Variants in OPRM1 observed in about 807,000 individuals in gnomAD.
The protein encoded by OPRM1 is opioid receptor mu 1, also known as mu-type opioid receptor.
OPRM1 carries 27 observed loss-of-function variants against 31.8 expected under a neutral mutation model. The ratio of observed to expected loss-of-function variants is 0.85; its 90% CI spans 0.63 to 1.17. The LOEUF (loss-of-function observed/expected upper bound fraction) is 1.17. Among genes scored for constraint, OPRM1 ranks in the 50% most tolerant of loss-of-function variants. The probability of loss-of-function intolerance (pLI) is 0.00; values close to 1 mark genes in which losing one functional copy is unlikely to be tolerated. For synonymous variants in OPRM1, 196 were observed against 189.9 expected (o/e 1.03, Z -0.26); for missense variants, 536 against 511.1 (o/e 1.05, Z -0.47).
At chr6:154,049,721 G>A (rs957267220) in intron 1 of OPRM1, among the ~76,000 whole-genome samples, 2 of 152,136 alleles carry the variant, frequency 1.3e-5, no homozygotes, top group Non-Finnish European at 2.9e-5. Context: ...AGAATCGTTT[G>A]AAAACAAAAT....
At chr6:154,202,351 T>C (rs1296711242) in intron 3 of OPRM1, among the ~76,000 whole-genome samples, 1 of 152,102 alleles carries the variant, frequency 6.6e-6, no homozygotes, top group Non-Finnish European at 1.5e-5. Context: ...ATAATTTCAA[T>C]AAAACCCTAG....
At chr6:154,209,903 C>G (rs548403548) in intron 3 of OPRM1, among the ~76,000 whole-genome samples, 1 of 152,146 alleles carries the variant, frequency 6.6e-6, no homozygotes, top group Non-Finnish European at 1.5e-5. Flanking sequence ...AATGGCCTGC[C>G]AAAAAATGCT....
intron 3 of OPRM1, among the ~76,000 whole-genome samples, chr6:154,212,168 G>A (rs1778014953): frequency 6.6e-6 from 1 of 152,148 alleles, no homozygotes; most frequent in Admixed American, 6.5e-5. Flanking sequence ...TTACTGTAAT[G>A]CTAAGAGCAT....
chr6:154,110,876 G>A (rs947184316), intron 3 of OPRM1, among the ~76,000 whole-genome samples: 1 of 103,880 alleles, frequency 9.6e-6, no homozygotes, highest in Admixed American at 1.3e-4. Flanking sequence ...GACAAAGCGA[G>A]ACTCCGTCTC....
intron 3 of OPRM1, among the ~76,000 whole-genome samples, chr6:154,170,494 TA>T (rs1799788498): frequency 6.6e-6 from 1 of 152,190 alleles, no homozygotes; most frequent in Non-Finnish European, 1.5e-5. Context: ...TACTCTTTCA[TA>T]AAACAGAAAG....
rs1162690611 is a variant in OPRM1, at chr6:154,121,376, C to T, written c.*2655C>T. ...GAAAGGAAAGAAGAGGAAAGAGACT[C>T]GCTGGAGCACTGGTGAGTCTCTAGG... is the stretch of plus-strand genomic sequence containing the variant. On this transcript the variant is annotated 3_prime_UTR_variant, in exon 4 of 4. Coordinates refer to ENST00000330432, the MANE Select transcript of OPRM1 (RefSeq NM_000914.5). 1.3e-5 allele frequency among the ~76,000 whole-genome samples: 2 copies of T among 152,188 alleles called. No homozygotes were observed. Among genetic ancestry groups the T allele is most frequent in the Non-Finnish European group, 1.5e-5 (1 of 68,038 alleles).
Position 154,138,207 on chromosome 6 carries a change from C to T in OPRM1, c.1164+46735C>T, listed in dbSNP as rs903630975. ...CCACTGCAAAGTCTCTCATAATTGA[C>T]GTGAGGATTAAATTAGACAGTATGC... On this transcript the variant is annotated intron_variant, in intron 3 of 3. Transcript: ENST00000337049. Among the ~76,000 whole-genome samples, 8 of 151,072 alleles carry T rather than the reference C, an allele frequency of 5.3e-5. No individual in the cohort carries two copies. In the East Asian group the frequency reaches 5.8e-4, roughly 11 times the overall value.
chr6:154,108,804 C>A, intron 3 of OPRM1: 1 of 985,316 alleles, frequency 1.0e-6, no homozygotes, highest in Non-Finnish European at 1.2e-6. Context: ...CAGTTGCAAT[C>A]CATGGAGGAA....
In OPRM1 at chr6:154,131,913, TG is replaced by T. The variant is rs1445210159; in HGVS notation, c.*13194del. On this transcript the variant is annotated 3_prime_UTR_variant, in exon 4 of 4. Coordinates refer to ENST00000330432, the MANE Select transcript of OPRM1 (RefSeq NM_000914.5). ...ACACACAACATTGTTTTCCTTTTGA[TG>T]GTCTGGGAGTTTTTCTATAAGTTTT... Among the ~76,000 whole-genome samples the T allele has an allele frequency of 6.6e-6, 1 of 150,526 alleles. No individual in the cohort carries two copies. Among genetic ancestry groups the T allele is most frequent in the Admixed American group, 6.7e-5 (1 of 15,008 alleles).
intron 3 of OPRM1, among the ~76,000 whole-genome samples, chr6:154,180,731 C>T (rs567423389): frequency 3.9e-5 from 6 of 152,228 alleles, no homozygotes; most frequent in Non-Finnish European, 5.9e-5. Context: ...TTATTTTCTA[C>T]TTAGAACCTA....
intron 3 of OPRM1, among the ~76,000 whole-genome samples, chr6:154,237,087 G>A (rs1285393275): frequency 5.3e-5 from 8 of 152,198 alleles, no homozygotes; most frequent in Non-Finnish European, 1.2e-4. Context: ...CTATCAATTA[G>A]CTTGTCTGTA....
intron 3 of OPRM1, among the ~76,000 whole-genome samples, chr6:154,106,072 A>G (rs1268243389): frequency 3.3e-5 from 5 of 152,226 alleles, no homozygotes; most frequent in East Asian, 1.9e-4. Context: ...TCACACACAG[A>G]ATCTCTTACA....
At position 154,182,365 on chromosome 6, in the gene OPRM1, G is replaced by T. The variant is rs138826315; in HGVS notation, c.1165-64328G>T. Among the ~76,000 whole-genome samples the T allele has an allele frequency of 9.0e-3, 1,375 of 152,176 alleles. 9 individuals carry two copies. The highest frequency in any genetic ancestry group is 0.014 in the Non-Finnish European group (930 of 68,004). Reference sequence around the variant, plus strand: ...CCTAGTCTATTGGGTGATCTTTAATGGTTGTTTTGCTGTTGTTATTATTGA... The same window carrying T: ...CCTAGTCTATTGGGTGATCTTTAATTGTTGTTTTGCTGTTGTTATTATTGA... On this transcript the variant is annotated intron_variant, in intron 3 of 3. Transcript: ENST00000337049.
Position 154,091,144 on chromosome 6 carries a change from G to A in OPRM1, c.836G>A (p.Arg279Lys). The A allele has an allele frequency of 6.2e-7, 1 of 1,614,156 alleles. No homozygotes were observed. The highest frequency in any genetic ancestry group is 8.5e-7 in the Non-Finnish European group (1 of 1,180,024). The change falls in exon 3 of 4, where the codon AGG becomes AAG. Residue 279 changes from arginine (R) to lysine (K), a missense_variant. Physicochemically the swap from Arg to Lys is conservative, Grantham distance 26 (BLOSUM62 2). Coordinates refer to ENST00000330432, the MANE Select transcript of OPRM1 (RefSeq NM_000914.5). ...GSKEKDRNLR[R>K]ITRMVLVVVA... ...AAAGAAAAGGACAGGAATCTTCGAA[G>A]GATCACCAGGATGGTGCTGGTGGTG...
At chr6:154,198,002 G>T (rs1209532865) in intron 3 of OPRM1, among the ~76,000 whole-genome samples, 1 of 152,120 alleles carries the variant, frequency 6.6e-6, no homozygotes, top group Non-Finnish European at 1.5e-5. Flanking sequence ...AGTTCAAGAT[G>T]CTTAAATTCT....
rs768091295 is a variant in OPRM1 at position 154,124,165 on chromosome 6, T to A, written c.*5444T>A. Among the ~76,000 whole-genome samples the A allele has an allele frequency of 2.8e-4, 43 of 152,206 alleles. No homozygotes were observed. The highest frequency in any genetic ancestry group is 4.4e-4 in the Non-Finnish European group (30 of 68,040). The stretch of plus-strand genomic sequence containing the variant: ...TAGCAAGGTACTTTCCACACAATAT[T>A]GAATAAATGCAGTGTATACATTTTT... On this transcript the variant is annotated 3_prime_UTR_variant, in exon 4 of 4. Coordinates refer to ENST00000330432, the MANE Select transcript of OPRM1 (RefSeq NM_000914.5).
intron 3 of OPRM1, among the ~76,000 whole-genome samples, chr6:154,092,131 G>A (rs1450873099): frequency 1.3e-5 from 2 of 152,086 alleles, no homozygotes; most frequent in Admixed American, 1.3e-4. Flanking sequence ...CAGACCTCAT[G>A]CTTGTTGGAG....
intron 1 of OPRM1, among the ~76,000 whole-genome samples, chr6:154,053,653 C>G (rs1039167204): frequency 4.6e-5 from 7 of 152,160 alleles, no homozygotes; most frequent in African/African-American, 1.7e-4. Context: ...GAAATCTCCT[C>G]CCTGCCTGAC....
intron 3 of OPRM1, among the ~76,000 whole-genome samples, chr6:154,163,877 G>A (rs150453487): frequency 2.0e-3 from 303 of 152,196 alleles, no homozygotes; most frequent in African/African-American, 6.9e-3. Context: ...ACATATAGAT[G>A]GATAAAGATA....
Sources: allele counts gnomAD v4.1 joint callset (sites outside exome capture counted in the v4.1 genomes callset), GRCh38; gene constraint gnomAD v4.1.1; transcripts MANE v1.5; gene names NCBI Gene and HGNC (gene_info 2026-07-23, HGNC 2026-07-21).